Variants in RBFOX3 observed in about 807,000 individuals in gnomAD.
RBFOX3 encodes the protein RNA binding protein fox-1 homolog 3.
A neutral mutation model predicts 48.7 loss-of-function variants in RBFOX3; 17 were observed. That is an observed-to-expected ratio of 0.35 (90% CI 0.24 to 0.52). The LOEUF (loss-of-function observed/expected upper bound fraction) is 0.52, where lower values mean the gene tolerates loss of function less well. RBFOX3 is among the 20% of genes least tolerant of loss of function. The pLI is 0.94. For synonymous variants in RBFOX3, 212 were observed against 209.5 expected (o/e 1.01, Z -0.10); for missense variants, 382 against 497.5 (o/e 0.77, Z 2.21).
At chr17:79,446,539 C>T (rs4476209) in intron 2 of RBFOX3, among the ~76,000 whole-genome samples, 7,690 of 152,274 alleles carry the variant, frequency 0.051, 305 homozygotes, top group East Asian at 0.17. Flanking sequence ...GATATGCCCA[C>T]TAGCGTGCCA....
At chr17:79,591,061 G>A (rs2093402422) in intron 1 of RBFOX3, among the ~76,000 whole-genome samples, 2 of 152,202 alleles carry the variant, frequency 1.3e-5, no homozygotes, top group Admixed American at 1.3e-4. Flanking sequence ...CTGGGAGCAG[G>A]GAGCTGTCGC....
At chr17:79,590,185 G>A (rs991575470) in intron 1 of RBFOX3, among the ~76,000 whole-genome samples, 13 of 152,214 alleles carry the variant, frequency 8.5e-5, no homozygotes, top group African/African-American at 2.9e-4. Context: ...CTATACCCAG[G>A]ATAAGAACCC....
chr17:79,163,588 G>A (rs1171671899), intron 4 of RBFOX3, among the ~76,000 whole-genome samples: 2 of 152,240 alleles, frequency 1.3e-5, no homozygotes, highest in South Asian at 2.1e-4. Context: ...GAACCGGGAA[G>A]GTTGTTGCCA....
At chr17:79,568,811 C>T (rs1041661784) in intron 1 of RBFOX3, among the ~76,000 whole-genome samples, 1 of 152,202 alleles carries the variant, frequency 6.6e-6, no homozygotes, top group African/African-American at 2.4e-5. Flanking sequence ...CTGTGTCCCA[C>T]TCACCACCAC....
At chr17:79,178,881 G>C (rs185263376) in intron 4 of RBFOX3, among the ~76,000 whole-genome samples, 1 of 152,198 alleles carries the variant, frequency 6.6e-6, no homozygotes, top group Non-Finnish European at 1.5e-5. Flanking sequence ...ACAATTTTTC[G>C]GATGTGGCTG....
At chr17:79,096,620 T>TTGCCCCC in intron 12 of RBFOX3, 33 bp downstream of exon 12, 5 of 1,502,344 alleles carry the variant, frequency 3.3e-6, no homozygotes, top group Non-Finnish European at 4.5e-6. Flanking sequence ...GAACGCCTGA[T>TTGCCCCC]CCCACCCTCC....
intron 4 of RBFOX3, among the ~76,000 whole-genome samples, chr17:79,140,257 C>A (rs1214145373): frequency 6.6e-6 from 1 of 152,226 alleles, no homozygotes; most frequent in African/African-American, 2.4e-5. Context: ...ATGGGCAAGT[C>A]ACGCAGCTCA....
At chr17:79,635,811 T>C in the RBFOX3 span, among the ~76,000 whole-genome samples, 54 of 152,236 alleles carry the variant, frequency 3.5e-4, no homozygotes, top group Admixed American at 3.5e-3. Flanking sequence ...TCATTAAACA[T>C]AGGAAAAGAG....
At chr17:79,425,435 C>T (rs2067186936) in intron 2 of RBFOX3, among the ~76,000 whole-genome samples, 1 of 152,206 alleles carries the variant, frequency 6.6e-6, no homozygotes, top group South Asian at 2.1e-4. Context: ...CCTGCACTCC[C>T]CAGAGGAAGG....
intron 3 of RBFOX3, among the ~76,000 whole-genome samples, chr17:79,305,639 C>T (rs538028154): frequency 5.9e-5 from 9 of 152,266 alleles, no homozygotes; most frequent in East Asian, 1.9e-4. Flanking sequence ...TTTGGCCCTG[C>T]GTCTTCCTCC....
At position 79,242,187 on chromosome 17, in the gene RBFOX3, G is replaced by C. The variant is rs1021452641; in HGVS notation, c.-73-6382C>G. On this transcript the variant is annotated intron_variant, in intron 3 of 14. Coordinates refer to ENST00000693108, the MANE Select transcript of RBFOX3 (RefSeq NM_001350451.2). The surrounding 1 kb of genome is among the most constrained non-coding windows in gnomAD (Gnocchi z 5.8). ...GACCTTGGGAGCTCTGGTTCCCAGC[G>C]TGCTGCTGCTGCTGGTGGAGGGGGT... is the stretch of plus-strand genomic sequence containing the variant. 2.0e-5 allele frequency among the ~76,000 whole-genome samples: 3 copies of C among 152,114 alleles called. No individual in the cohort carries two copies. Among genetic ancestry groups the C allele is most frequent in the African/African-American group, 7.2e-5 (3 of 41,418 alleles).
intron 4 of RBFOX3, among the ~76,000 whole-genome samples, chr17:79,137,301 G>A (rs913616413): frequency 3.3e-5 from 5 of 152,012 alleles, no homozygotes; most frequent in South Asian, 2.1e-4. Context: ...CCCTGTACAC[G>A]TGTACACACA....
intron 10 of RBFOX3, 98 bp downstream of exon 10, chr17:79,097,594 C>T: frequency 3.5e-6 from 5 of 1,435,420 alleles, no homozygotes; most frequent in Non-Finnish European, 4.7e-6. Context: ...GGACGGCCCA[C>T]CTGGCCCCGC....
intron 2 of RBFOX3, among the ~76,000 whole-genome samples, chr17:79,440,707 G>A (rs926192477): frequency 1.4e-4 from 22 of 152,056 alleles, no homozygotes; most frequent in African/African-American, 4.8e-4. Flanking sequence ...TTTGCCCTAT[G>A]GCTCTAGTTC....
rs199920075 is a variant in RBFOX3 at position 79,394,832 on chromosome 17, T to G, written c.-174-87008A>C. The stretch of plus-strand genomic sequence containing the variant: ...CTCCTGAGACGTCCCGGGCCCTCGC[T>G]ACATGAGTGACCCAGTGAGGTAGAG... On this transcript the variant is annotated intron_variant, in intron 2 of 14. Coordinates refer to ENST00000693108, the MANE Select transcript of RBFOX3 (RefSeq NM_001350451.2). Among the ~76,000 whole-genome samples, 4 of 152,168 alleles carry G rather than the reference T, an allele frequency of 2.6e-5. No homozygotes were observed. In the East Asian group the frequency reaches 7.7e-4, roughly 29 times the overall value.
At chr17:79,468,150 G>C (rs1365006968) in intron 2 of RBFOX3, among the ~76,000 whole-genome samples, 2 of 152,092 alleles carry the variant, frequency 1.3e-5, no homozygotes, top group Non-Finnish European at 2.9e-5. Context: ...TTCCCACCCT[G>C]AACCCCACAC....
chr17:79,549,846 C>T (rs2090960327), intron 1 of RBFOX3, among the ~76,000 whole-genome samples: 1 of 152,260 alleles, frequency 6.6e-6, no homozygotes, highest in African/African-American at 2.4e-5. Flanking sequence ...AATGTCGAAT[C>T]GTCATAAAAA....
At chr17:79,303,622 T>C (rs2075655149) in intron 3 of RBFOX3, among the ~76,000 whole-genome samples, 1 of 152,092 alleles carries the variant, frequency 6.6e-6, no homozygotes, top group Non-Finnish European at 1.5e-5. Context: ...CTCATCAACA[T>C]CTATTTCCCT....
At chr17:79,404,145 G>A (rs1408805619) in intron 2 of RBFOX3, among the ~76,000 whole-genome samples, 2 of 152,154 alleles carry the variant, frequency 1.3e-5, no homozygotes, top group Non-Finnish European at 2.9e-5. Flanking sequence ...CCAGTGTCCC[G>A]TCCCCACTCT....
Sources: gnomAD v4.1 joint callset for allele counts (sites outside exome capture counted in the v4.1 genomes callset) on GRCh38, gnomAD v4.1.1 for gene constraint, Gnocchi (gnomAD v3.1) non-coding constraint, MANE v1.5 for transcripts, NCBI Gene and HGNC (gene_info 2026-07-23, HGNC 2026-07-21) for gene names.